BRAF: variants seen among roughly 807,000 people sequenced by gnomAD.
The protein encoded by BRAF is serine/threonine-protein kinase B-raf.
In BRAF, 16 loss-of-function variants were observed where a neutral mutation model predicts 104.6. That is an observed-to-expected ratio of 0.15 (90% CI 0.10 to 0.23). The LOEUF (loss-of-function observed/expected upper bound fraction) is 0.23, where lower values mean the gene tolerates loss of function less well. Among genes scored for constraint, BRAF ranks in the 10% least tolerant of loss-of-function variants. The pLI, the probability that BRAF is intolerant of heterozygous loss-of-function variation, is 1.00. For synonymous variants in BRAF, 310 were observed against 341.6 expected, an observed-to-expected ratio of 0.91 and a Z score of 1.02; for missense variants, 541 against 937.3, an observed-to-expected ratio of 0.58 and a Z score of 5.52.
chr7:140,918,393 C>T (rs886991375), intron 1 of BRAF, among the ~76,000 whole-genome samples: 3 of 152,166 alleles, frequency 2.0e-5, no homozygotes, highest in African/African-American at 4.8e-5. Flanking sequence ...ATAGGGTTCA[C>T]GCTCCTGCCG....
intron 5 of BRAF, among the ~76,000 whole-genome samples, chr7:140,803,345 A>G (rs1803323512): frequency 6.6e-6 from 1 of 152,218 alleles, no homozygotes. Flanking sequence ...GAGAGAGACT[A>G]TAAATACAAT....
At chr7:140,909,410 C>T (rs978599852) in intron 1 of BRAF, among the ~76,000 whole-genome samples, 1 of 152,240 alleles carries the variant, frequency 6.6e-6, no homozygotes, top group Middle Eastern at 3.4e-3. Context: ...AAGAGCAAAA[C>T]TCCGTCACAA....
At chr7:140,742,196 T>C (rs1421260081) in intron 17 of BRAF, among the ~76,000 whole-genome samples, 1 of 151,878 alleles carries the variant, frequency 6.6e-6, no homozygotes, top group African/African-American at 2.4e-5. Context: ...TTTTTTTTGT[T>C]TTTGTTTTTT....
At chr7:140,891,470 T>C (rs1814208390) in intron 1 of BRAF, among the ~76,000 whole-genome samples, 2 of 152,228 alleles carry the variant, frequency 1.3e-5, no homozygotes, top group Admixed American at 1.3e-4. Context: ...ATATAAATAG[T>C]TGTTATACTG....
intron 2 of BRAF, among the ~76,000 whole-genome samples, chr7:140,836,957 A>G (rs1324605304): frequency 6.6e-6 from 1 of 152,208 alleles, no homozygotes; most frequent in East Asian, 1.9e-4. Context: ...TTTTCCAAAC[A>G]TATTTCCTTA....
intron 14 of BRAF, among the ~76,000 whole-genome samples, chr7:140,763,424 C>T (rs1258775713): frequency 6.6e-6 from 1 of 151,466 alleles, no homozygotes; most frequent in Non-Finnish European, 1.5e-5. Flanking sequence ...GCAGAGGCGC[C>T]CCTCACCTCC....
At chr7:140,714,063 T>A in the BRAF span, among the ~76,000 whole-genome samples, 1 of 152,180 alleles carries the variant, frequency 6.6e-6, no homozygotes, top group South Asian at 2.1e-4. Context: ...AGGGACCCAC[T>A]TGAGGAGGCA....
chr7:140,842,577 T>C (rs990907286), intron 2 of BRAF, among the ~76,000 whole-genome samples: 3 of 152,170 alleles, frequency 2.0e-5, no homozygotes, highest in Non-Finnish European at 4.4e-5. Context: ...TAGAAAAGCA[T>C]CTAGCATTAT....
intron 3 of BRAF, among the ~76,000 whole-genome samples, chr7:140,815,375 G>A (rs1258779221): frequency 6.7e-6 from 1 of 150,008 alleles, no homozygotes; most frequent in Non-Finnish European, 1.5e-5. Flanking sequence ...TCGATCTCCT[G>A]ACCTCATGAT....
In BRAF at chr7:140,725,481, AAAG is replaced by A. The variant is rs145149263; in HGVS notation, c.*1010_*1012del. The A allele has an allele frequency of 1.2e-3, 1,110 of 945,866 alleles. 10 individuals carry two copies. The African/African-American group carries it at 0.015, about 13-fold the overall frequency. 58.6% of individuals were successfully genotyped at this position (945,866 alleles called of 1,614,324 possible). A position where few individuals can be genotyped will look rare whatever the true frequency, so the allele number is the denominator to read the frequency against. ...TTATTTTCTTTTTAATAAAAATAGA[AAAG>A]AAGAAACTCAGAAATTAAAACCTGT... On this transcript the variant is annotated 3_prime_UTR_variant, in exon 20 of 20. Coordinates refer to ENST00000644969, the MANE Select transcript of BRAF (RefSeq NM_001374258.1).
chr7:140,774,660 G>C (rs1187996257), intron 14 of BRAF, among the ~76,000 whole-genome samples: 5 of 152,164 alleles, frequency 3.3e-5, no homozygotes, highest in Non-Finnish European at 5.9e-5. Flanking sequence ...AGGACTACAG[G>C]CAAGTGCCAC....
rs976244529 is a variant in BRAF at position 140,720,267 on chromosome 7, G to C, written c.*6227C>G. 6.6e-6 allele frequency: 7 copies of C among 1,062,618 alleles called. No individual in the cohort carries two copies. Among genetic ancestry groups the C allele is most frequent in the Admixed American group, 5.4e-5 (1 of 18,630 alleles). The allele number at this position is 1,062,618 out of a possible 1,614,324, so 65.8% of individuals were successfully genotyped here. A position where few individuals can be genotyped will look rare whatever the true frequency, so the allele number is the denominator to read the frequency against. On this transcript the variant is annotated 3_prime_UTR_variant, in exon 20 of 20. Coordinates refer to ENST00000644969, the MANE Select transcript of BRAF (RefSeq NM_001374258.1). ...GTGATACAGTCCTCAAAAATCAGGC[G>C]ATATCATGAAGGCCAAACTGAGTCT...
intron 16 of BRAF, 121 bp downstream of exon 15, chr7:140,753,154 T>A: frequency 1.3e-6 from 1 of 753,062 alleles, no homozygotes; most frequent in Non-Finnish European, 2.3e-6. Context: ...AGAACACTGA[T>A]TTTTGTGAAT....
chr7:140,766,490 T>G (rs909564921), intron 14 of BRAF, among the ~76,000 whole-genome samples: 1 of 149,196 alleles, frequency 6.7e-6, no homozygotes, highest in African/African-American at 2.5e-5. Flanking sequence ...TACAGAAAAA[T>G]GGAAAGAATA....
downstream of BRAF, among the ~76,000 whole-genome samples, chr7:140,718,529 C>T (rs1484839945): frequency 6.7e-6 from 1 of 150,204 alleles, no homozygotes; most frequent in Non-Finnish European, 1.5e-5. Flanking sequence ...GGATTACAGG[C>T]GTGAGCCACC....
intron 1 of BRAF, among the ~76,000 whole-genome samples, chr7:140,915,744 G>A (rs1355663574): frequency 1.3e-5 from 2 of 151,744 alleles, no homozygotes; most frequent in Admixed American, 6.6e-5. Context: ...CCTAATTAAA[G>A]TATCTTTTAA....
At chr7:140,741,514 T>C (rs1796914124) in intron 17 of BRAF, 1 of 152,224 alleles carries the variant, frequency 6.6e-6, no homozygotes, top group South Asian at 2.1e-4. Flanking sequence ...GAAGTAATAA[T>C]GGTCCTTCTT....
In BRAF at chr7:140,924,264, T is replaced by C. The variant is rs1818596655; in HGVS notation, c.138+302A>G. The stretch of plus-strand genomic sequence containing the variant: ...CTGGATACTTCAGCCAATCGTGACC[T>C]TCTCGGACCAACCCTGAGTTTCGCC... On this transcript the variant is annotated intron_variant, in intron 1 of 19. Transcript: ENST00000644969. The surrounding 1 kb of genome is among the most constrained non-coding windows in gnomAD (Gnocchi z 4.2). Among the ~76,000 whole-genome samples the C allele has an allele frequency of 6.6e-6, 1 of 151,934 alleles. No individual in the cohort carries two copies. Among genetic ancestry groups the C allele is most frequent in the African/African-American group, 2.4e-5 (1 of 41,376 alleles).
At chr7:140,914,515 A>G (rs536453093) in intron 1 of BRAF, among the ~76,000 whole-genome samples, 14 of 152,316 alleles carry the variant, frequency 9.2e-5, no homozygotes, top group African/African-American at 3.4e-4. Flanking sequence ...TCTCTTCCCT[A>G]TTTGATGTTC....
Sources: allele counts gnomAD v4.1 joint callset (sites outside exome capture counted in the v4.1 genomes callset), GRCh38; gene constraint gnomAD v4.1.1; non-coding constraint Gnocchi (gnomAD v3.1); transcripts MANE v1.5; gene names NCBI Gene and HGNC (gene_info 2026-07-23, HGNC 2026-07-21).